The following DLG2 variants were observed in gnomAD, a reference collection of about 807,000 sequenced individuals.
The protein encoded by DLG2 is disks large homolog 2.
In DLG2, 45 loss-of-function variants were observed where a neutral mutation model predicts 132.5. The ratio of observed to expected loss-of-function variants is 0.34; its 90% CI spans 0.27 to 0.44. DLG2 has a LOEUF of 0.44. DLG2 is among the 20% of genes least tolerant of loss of function. The pLI is 1.00. For missense variants in DLG2, 1,045 were observed against 1,196.9 expected (o/e 0.87, Z 1.87); for synonymous variants, 424 against 419.6 (o/e 1.01, Z -0.13).
chr11:85,493,599 A>C (rs1452569332), intron 3 of DLG2, among the ~76,000 whole-genome samples: 1 of 151,438 alleles, frequency 6.6e-6, no homozygotes, highest in East Asian at 2.0e-4. Context: ...TAAGCCCAGG[A>C]GTTCGAGGTG....
intron 3 of DLG2, among the ~76,000 whole-genome samples, chr11:85,531,029 G>C (rs532437730): frequency 3.9e-5 from 6 of 152,226 alleles, no homozygotes; most frequent in African/African-American, 1.4e-4. Flanking sequence ...TTTAAAATTA[G>C]ACTGGGATTT....
intron 7 of DLG2, among the ~76,000 whole-genome samples, chr11:84,281,649 A>G (rs2097856239): frequency 1.4e-5 from 2 of 141,234 alleles, no homozygotes. Context: ...TGTCCATGTG[A>G]TAAAACAAAT....
chr11:85,416,783 C>T (rs1179101180), intron 3 of DLG2, among the ~76,000 whole-genome samples: 2 of 152,128 alleles, frequency 1.3e-5, no homozygotes, highest in Non-Finnish European at 2.9e-5. Flanking sequence ...GATTTTTGGA[C>T]ATTAATTTTG....
At chr11:84,830,523 C>G (rs1410453313) in intron 6 of DLG2, among the ~76,000 whole-genome samples, 1 of 151,522 alleles carries the variant, frequency 6.6e-6, no homozygotes. Flanking sequence ...GAACTCTTGT[C>G]ACCTTGTGAA....
At chr11:84,951,181 C>T (rs1341835863) in intron 6 of DLG2, among the ~76,000 whole-genome samples, 1 of 152,116 alleles carries the variant, frequency 6.6e-6, no homozygotes, top group Non-Finnish European at 1.5e-5. Flanking sequence ...CTGCAAGTAC[C>T]CATACCATTT....
At chr11:84,526,053 CACTT>C (rs766020565) in intron 7 of DLG2, among the ~76,000 whole-genome samples, 1 of 152,160 alleles carries the variant, frequency 6.6e-6, no homozygotes, top group African/African-American at 2.4e-5. Flanking sequence ...TCTTCTTTCA[CACTT>C]TCTTTATTGT....
chr11:84,758,278 T>C (rs906123899), intron 6 of DLG2, among the ~76,000 whole-genome samples: 31 of 152,226 alleles, frequency 2.0e-4, no homozygotes, highest in African/African-American at 7.2e-4. Flanking sequence ...AACAACAAGC[T>C]ATGTATCTGG....
rs191272034 is a variant in DLG2 at position 83,885,785 on chromosome 11, G to T, written c.1497-11297C>A. ...CTCTACAAGCCAGAATAGAGTGGGG[G>T]CCAATATTCAACTTTCTTAAAGAAA... is the stretch of plus-strand genomic sequence containing the variant. On this transcript the variant is annotated intron_variant, in intron 15 of 27. Transcript: ENST00000376104. Among the ~76,000 whole-genome samples the T allele has an allele frequency of 1.3e-3, 204 of 152,270 alleles. 2 individuals carry two copies. The East Asian group carries it at 0.035, about 26-fold the overall frequency.
chr11:85,581,222 C>T (rs1395395632), intron 3 of DLG2, among the ~76,000 whole-genome samples: 2 of 152,190 alleles, frequency 1.3e-5, no homozygotes, highest in Non-Finnish European at 2.9e-5. Flanking sequence ...CTTAAGCAGT[C>T]TCACCGTTCC....
At chr11:85,259,909 T>C (rs2076855800) in intron 4 of DLG2, among the ~76,000 whole-genome samples, 1 of 152,132 alleles carries the variant, frequency 6.6e-6, no homozygotes, top group Admixed American at 6.6e-5. Context: ...CACACTATCT[T>C]GTACAGGTAG....
At chr11:85,335,153 A>G (rs1321021350) in intron 3 of DLG2, among the ~76,000 whole-genome samples, 2 of 152,080 alleles carry the variant, frequency 1.3e-5, no homozygotes, top group African/African-American at 4.8e-5. Flanking sequence ...CGTTGAATTG[A>G]ATGCTTTATC....
At chr11:83,838,784 C>CA (rs56885281) in intron 16 of DLG2, among the ~76,000 whole-genome samples, 48,426 of 134,862 alleles carry the variant, frequency 0.36, 7,888 homozygotes, top group East Asian at 0.48. Flanking sequence ...TGTTCCCAGA[C>CA]AAAAAAAAAA....
At chr11:85,164,672 A>G (rs751480576) in intron 4 of DLG2, among the ~76,000 whole-genome samples, 10 of 152,194 alleles carry the variant, frequency 6.6e-5, no homozygotes, top group Non-Finnish European at 1.3e-4. Context: ...TAGCAACAAT[A>G]AAACCGAATC....
chr11:83,826,299 G>C, intron 17 of DLG2, among the ~76,000 whole-genome samples: 1 of 152,130 alleles, frequency 6.6e-6, no homozygotes. Flanking sequence ...TGGCTAGTGG[G>C]GCTCTGAAGC....
In DLG2 at chr11:85,569,819, C is replaced by T. The variant is rs553583305; in HGVS notation, c.40+28838G>A. ...ATTAGTTCAGCCATTGTGGAAAGCA[C>T]TTTGGAGATTTCTCAAAGAACTCAG... is the stretch of plus-strand genomic sequence containing the variant. On this transcript the variant is annotated intron_variant, in intron 3 of 27. Transcript: ENST00000376104. Among the ~76,000 whole-genome samples the T allele has an allele frequency of 8.5e-5, 13 of 152,296 alleles. No individual in the cohort carries two copies. The East Asian group carries it at 9.7e-4, about 11-fold the overall frequency.
chr11:84,499,983 A>T (rs1037376731), intron 7 of DLG2, among the ~76,000 whole-genome samples: 1 of 152,170 alleles, frequency 6.6e-6, no homozygotes, highest in Non-Finnish European at 1.5e-5. Context: ...ATAATTACTG[A>T]TGATCTACAT....
intron 17 of DLG2, chr11:83,790,651 G>A (rs2041283450): frequency 1.8e-6 from 2 of 1,125,598 alleles, no homozygotes; most frequent in Non-Finnish European, 1.4e-6. Context: ...AATGGTGAGA[G>A]TGGAGGGACA....
intron 21 of DLG2, among the ~76,000 whole-genome samples, chr11:83,517,411 T>C (rs1036363423): frequency 4.6e-5 from 7 of 152,190 alleles, no homozygotes; most frequent in Non-Finnish European, 8.8e-5. Flanking sequence ...TTATTCTAGC[T>C]AGCCATTCGT....
chr11:84,659,712 T>C (rs1425931650), intron 6 of DLG2, among the ~76,000 whole-genome samples: 1 of 152,176 alleles, frequency 6.6e-6, no homozygotes, highest in Admixed American at 6.5e-5. Context: ...CTATGAGGTA[T>C]ATGAGGGCCC....
Sources: allele counts gnomAD v4.1 joint callset (sites outside exome capture counted in the v4.1 genomes callset), GRCh38; gene constraint gnomAD v4.1.1; transcripts MANE v1.5; gene names NCBI Gene and HGNC (gene_info 2026-07-23, HGNC 2026-07-21).